The following EIF4G3 variants were observed in gnomAD, a reference collection of about 807,000 sequenced individuals.
EIF4G3 encodes eIF-4-gamma 3.
A neutral mutation model predicts 186.4 loss-of-function variants in EIF4G3; 34 were observed. The observed-to-expected ratio is 0.18, with a 90% CI of 0.14 to 0.24. The LOEUF (loss-of-function observed/expected upper bound fraction) is 0.24, where lower values mean the gene tolerates loss of function less well. Ranked by LOEUF, EIF4G3 falls within the 10% of genes least tolerant of loss-of-function variation. The pLI is 1.00. For missense variants in EIF4G3, 1,536 were observed against 1,948.5 expected (o/e 0.79, Z 3.99); for synonymous variants, 673 against 679.5 (o/e 0.99, Z 0.15).
chr1:20,994,797 T>C (rs1457429941), intron 7 of EIF4G3, among the ~76,000 whole-genome samples: 1 of 151,686 alleles, frequency 6.6e-6, no homozygotes, highest in Non-Finnish European at 1.5e-5. Context: ...CCCAACTAAT[T>C]TTTGTATTTT....
At chr1:20,895,129 A>C (rs1307110542) in intron 17 of EIF4G3, among the ~76,000 whole-genome samples, 2 of 152,180 alleles carry the variant, frequency 1.3e-5, no homozygotes, top group African/African-American at 4.8e-5. Flanking sequence ...TAAGCAGATA[A>C]ATCAATAAAC....
At chr1:20,977,448 A>G (rs954297695) in intron 10 of EIF4G3, among the ~76,000 whole-genome samples, 1 of 152,194 alleles carries the variant, frequency 6.6e-6, no homozygotes, top group African/African-American at 2.4e-5. Flanking sequence ...TGGTCTCCCA[A>G]AGTGCTGGGA....
At chr1:20,937,534 T>C (rs574544903) in intron 14 of EIF4G3, among the ~76,000 whole-genome samples, 1 of 152,242 alleles carries the variant, frequency 6.6e-6, no homozygotes, top group South Asian at 2.1e-4. Flanking sequence ...ATTAAAAATG[T>C]ACTATAAGCA....
At chr1:21,042,769 G>A (rs1328575025) in intron 4 of EIF4G3, among the ~76,000 whole-genome samples, 4 of 152,092 alleles carry the variant, frequency 2.6e-5, no homozygotes, top group Admixed American at 1.3e-4. Flanking sequence ...CCCACAACAC[G>A]CTCTGAATCA....
chr1:21,075,947 G>C (rs10799681), intron 3 of EIF4G3, among the ~76,000 whole-genome samples: 9,335 of 152,126 alleles, frequency 0.061, 421 homozygotes, highest in African/African-American at 0.12. Flanking sequence ...GATCTAGAAA[G>C]AAAATAAATA....
chr1:20,977,386 C>T (rs960951539), intron 10 of EIF4G3, among the ~76,000 whole-genome samples: 2 of 151,972 alleles, frequency 1.3e-5, no homozygotes, highest in Non-Finnish European at 2.9e-5. Context: ...GGGGTTTCAT[C>T]ATGTTGGCCA....
At chr1:20,914,666 G>A (rs894824962) in intron 14 of EIF4G3, among the ~76,000 whole-genome samples, 16 of 152,050 alleles carry the variant, frequency 1.1e-4, no homozygotes, top group Non-Finnish European at 2.1e-4. Context: ...AAATGGGTGG[G>A]TTTTCATTTT....
At chr1:20,827,464 C>T (rs747164901) in intron 32 of EIF4G3, among the ~76,000 whole-genome samples, 153 bp downstream of exon 32, 5 of 152,074 alleles carry the variant, frequency 3.3e-5, no homozygotes, top group Non-Finnish European at 4.4e-5. Context: ...AACAGAAGGA[C>T]AAATGCACCT....
chr1:21,001,405 A>C (rs1320300582), intron 5 of EIF4G3, 93 bp from the exon 6 acceptor site: 1 of 440,702 alleles, frequency 2.3e-6, no homozygotes, highest in Non-Finnish European at 4.7e-6. Flanking sequence ...TTTTTTGATA[A>C]TCAGAAATTA....
intron 16 of EIF4G3, among the ~76,000 whole-genome samples, chr1:20,899,475 A>G (rs556397761): frequency 6.6e-6 from 1 of 152,320 alleles, no homozygotes; most frequent in East Asian, 1.9e-4. Flanking sequence ...TGCTCTTCCA[A>G]TGCCAGTAAA....
At chr1:21,056,425 T>C (rs577629785) in intron 3 of EIF4G3, among the ~76,000 whole-genome samples, 5 of 152,356 alleles carry the variant, frequency 3.3e-5, no homozygotes, top group Admixed American at 2.6e-4. Flanking sequence ...TATTCGCTTT[T>C]AGTGTATTTG....
At chr1:20,864,123 C>CT (rs1159446629) in intron 22 of EIF4G3, among the ~76,000 whole-genome samples, 1 of 152,188 alleles carries the variant, frequency 6.6e-6, no homozygotes, top group Non-Finnish European at 1.5e-5. Flanking sequence ...AGTATAAACT[C>CT]TAGAAGCACT....
At chr1:21,045,622 G>T (rs991513551) in intron 4 of EIF4G3, among the ~76,000 whole-genome samples, 4 of 152,116 alleles carry the variant, frequency 2.6e-5, no homozygotes, top group Admixed American at 2.6e-4. Context: ...AGAGAAAAAA[G>T]ACCTAGATTT....
intron 4 of EIF4G3, among the ~76,000 whole-genome samples, chr1:21,046,492 G>A (rs1167997351): frequency 6.6e-6 from 1 of 152,166 alleles, no homozygotes; most frequent in Admixed American, 6.5e-5. Flanking sequence ...CCTCTTTCAC[G>A]TTTCAAAGTT....
chr1:21,162,810 G>T (rs986593886), intron 2 of EIF4G3, among the ~76,000 whole-genome samples: 2 of 152,142 alleles, frequency 1.3e-5, no homozygotes, highest in African/African-American at 4.8e-5. Flanking sequence ...GTTACCAGGT[G>T]GGGGTATCCA....
intron 13 of EIF4G3, among the ~76,000 whole-genome samples, chr1:20,949,544 G>A (rs775588793): frequency 1.3e-5 from 2 of 152,174 alleles, no homozygotes; most frequent in African/African-American, 2.4e-5. Flanking sequence ...TGATGGAGCC[G>A]GGATTGGAAC....
intron 3 of EIF4G3, among the ~76,000 whole-genome samples, chr1:21,068,865 G>A (rs1460190188): frequency 6.6e-6 from 1 of 152,096 alleles, no homozygotes; most frequent in Non-Finnish European, 1.5e-5. Context: ...TGGAACACCT[G>A]CAAACAGTTA....
Position 20,950,098 on chromosome 1 carries a change from T to A in EIF4G3, c.728A>T (p.Gln243Leu). Reference sequence around the variant, plus strand: ...AACCACAGGGCTGTGCTCGGGGACCTGGCTGGGCAGCTGCTGGGATTTGAA... The same window carrying A: ...AACCACAGGGCTGTGCTCGGGGACCAGGCTGGGCAGCTGCTGGGATTTGAA... ...TPTPPQQLPS[Q>L]VPEHSPVVYG... The change falls in exon 13 of 37, where the codon CAG becomes CTG. Residue 243 changes from glutamine (Q) to leucine (L), a missense_variant. Transcript: ENST00000602326. 6.3e-7 allele frequency: 1 copy of A among 1,588,036 alleles called. No homozygotes were observed. The highest frequency in any genetic ancestry group is 8.5e-7 in the Non-Finnish European group (1 of 1,171,226).
intron 4 of EIF4G3, among the ~76,000 whole-genome samples, chr1:21,036,550 T>C (rs987853160): frequency 1.3e-5 from 2 of 152,190 alleles, no homozygotes; most frequent in Non-Finnish European, 2.9e-5. Flanking sequence ...ATGGTATTTC[T>C]TTATACCTAG....
Sources: gnomAD v4.1 joint callset for allele counts (sites outside exome capture counted in the v4.1 genomes callset) on GRCh38, gnomAD v4.1.1 for gene constraint, MANE v1.5 for transcripts, NCBI Gene and HGNC (gene_info 2026-07-23, HGNC 2026-07-21) for gene names.